Variants in RAG1 observed in about 807,000 individuals in gnomAD.
The protein encoded by RAG1 is recombination activating 1.
A neutral mutation model predicts 62.7 loss-of-function variants in RAG1; 35 were observed. That is an observed-to-expected ratio of 0.56 (90% CI 0.43 to 0.74). The LOEUF is 0.74. Among genes scored for constraint, RAG1 ranks in the 30% least tolerant of loss-of-function variants. The pLI is 0.00. For missense variants in RAG1, 1,169 were observed against 1,278.6 expected (o/e 0.91, Z 1.31); for synonymous variants, 461 against 470.3 (o/e 0.98, Z 0.26).
At chr11:36,511,879 T>C (rs935195664) in intron 1 of RAG1, among the ~76,000 whole-genome samples, 1 of 152,212 alleles carries the variant, frequency 6.6e-6, no homozygotes. Context: ...ATAACCTCCA[T>C]GAACTACAAT....
At chr11:36,520,693 A>G (rs982752589) in intron 2 of RAG1, among the ~76,000 whole-genome samples, 2 of 152,252 alleles carry the variant, frequency 1.3e-5, no homozygotes, top group African/African-American at 4.8e-5. Context: ...AAAGTGAAAC[A>G]TTAGTGTTAT....
intron 2 of RAG1, among the ~76,000 whole-genome samples, chr11:36,526,859 T>C (rs1486144838): frequency 2.0e-5 from 3 of 152,274 alleles, no homozygotes; most frequent in African/African-American, 7.2e-5. Context: ...TTCATATGTC[T>C]GTTGACTGCA....
At chr11:36,517,614 T>C (rs1278284713) in intron 1 of RAG1, among the ~76,000 whole-genome samples, 2 of 152,226 alleles carry the variant, frequency 1.3e-5, no homozygotes, top group Non-Finnish European at 2.9e-5. Context: ...TCCAGACTCC[T>C]GCAATCTTTA....
intron 2 of RAG1, among the ~76,000 whole-genome samples, chr11:36,533,761 C>A (rs149398480): frequency 6.6e-6 from 1 of 151,862 alleles, no homozygotes; most frequent in Non-Finnish European, 1.5e-5. Context: ...GTTTGATTTG[C>A]GATAGTAATC....
downstream of RAG1, among the ~76,000 whole-genome samples, chr11:36,536,224 C>T (rs1446799962): frequency 6.6e-6 from 1 of 152,104 alleles, no homozygotes; most frequent in Non-Finnish European, 1.5e-5. Context: ...AAACTGGAAA[C>T]AATTCAAATG....
chr11:36,530,146 T>A (rs1860231113), intron 2 of RAG1, among the ~76,000 whole-genome samples: 1 of 152,026 alleles, frequency 6.6e-6, no homozygotes, highest in Non-Finnish European at 1.5e-5. Context: ...GCTTTTTAAA[T>A]CTGCAGGGTC....
At chr11:36,543,465 C>T (rs551784035) in intron 3 of RAG1, among the ~76,000 whole-genome samples, 12 of 152,296 alleles carry the variant, frequency 7.9e-5, no homozygotes, top group Admixed American at 5.2e-4. Flanking sequence ...AGGCTCTACC[C>T]GAAAAATCAG....
intron 3 of RAG1, among the ~76,000 whole-genome samples, chr11:36,562,183 G>A (rs1850594500): frequency 6.6e-6 from 1 of 152,146 alleles, no homozygotes; most frequent in Non-Finnish European, 1.5e-5. Context: ...TTGACTGATT[G>A]GGCATGAGGA....
intron 1 of RAG1, among the ~76,000 whole-genome samples, chr11:36,519,081 A>G (rs1860038449): frequency 6.6e-6 from 1 of 152,326 alleles, no homozygotes. Flanking sequence ...TGCCCATTGG[A>G]AGATTTCTAA....
At chr11:36,566,280 G>A (rs114990708), upstream of RAG1, among the ~76,000 whole-genome samples, 1,712 of 152,136 alleles carry the variant, frequency 0.011, 36 homozygotes, top group African/African-American at 0.039. Context: ...TCTGTTCACC[G>A]TAGACTCTCG....
upstream of RAG1, among the ~76,000 whole-genome samples, chr11:36,565,219 G>A (rs756193082): frequency 5.9e-5 from 9 of 152,184 alleles, no homozygotes; most frequent in African/African-American, 1.2e-4. Flanking sequence ...AAAATGCAGC[G>A]TTCACACACT....
Position 36,573,598 on chromosome 11 carries a change from A to C in RAG1, c.294A>C (p.Arg98Ser), listed in dbSNP as rs1457954794. Residue 98 changes from arginine (R) to serine (S), a missense_variant, in exon 2 of 2, where the codon AGA (arginine) becomes AGC (serine). This residue lies in a region of RAG1 where 369 missense variants were observed against 335.3 expected (regional missense o/e 1.10). Coordinates refer to ENST00000299440, the MANE Select transcript of RAG1 (RefSeq NM_000448.3). ...AATTTCACGACAACGAGAAAGCAAG[A>C]GGCAAAGCGATCCATCAAGCCAACC... The part of the protein sequence containing the change: ...SKKFHDNEKA[R>S]GKAIHQANLR... The C allele has an allele frequency of 1.9e-6, 3 of 1,614,062 alleles. No individual in the cohort carries two copies. Among genetic ancestry groups the C allele is most frequent in the Admixed American group, 1.7e-5 (1 of 60,008 alleles).
chr11:36,516,670 A>T (rs1860001677), intron 1 of RAG1, among the ~76,000 whole-genome samples: 1 of 152,234 alleles, frequency 6.6e-6, no homozygotes, highest in Non-Finnish European at 1.5e-5. Flanking sequence ...AATTCACCGA[A>T]GTAAGTACTA....
chr11:36,541,293 A>G (rs1303008205), intron 3 of RAG1, among the ~76,000 whole-genome samples: 2 of 152,226 alleles, frequency 1.3e-5, no homozygotes, highest in Non-Finnish European at 2.9e-5. Flanking sequence ...CGTTACACAC[A>G]CAGGTCACAT....
At chr11:36,558,194 A>G (rs557236005) in intron 3 of RAG1, among the ~76,000 whole-genome samples, 30 of 152,330 alleles carry the variant, frequency 2.0e-4, no homozygotes, top group South Asian at 1.7e-3. Flanking sequence ...GGCATAACAT[A>G]TAATCTATCC....
intron 2 of RAG1, among the ~76,000 whole-genome samples, chr11:36,523,321 G>C (rs533588305): frequency 6.6e-6 from 1 of 152,062 alleles, no homozygotes; most frequent in Non-Finnish European, 1.5e-5. Context: ...AAGTTCTGAC[G>C]GTTTTAAAAA....
At chr11:36,536,455 A>G (rs1456611217), downstream of RAG1, among the ~76,000 whole-genome samples, 2 of 152,164 alleles carry the variant, frequency 1.3e-5, no homozygotes, top group African/African-American at 4.8e-5. Flanking sequence ...AGTCTAAAAT[A>G]AAACCAAGAA....
At position 36,534,505 on chromosome 11, in the gene RAG1, A is replaced by G. The variant is rs7947632; in HGVS notation, n.429-1454A>G. 2.0e-5 allele frequency among the ~76,000 whole-genome samples: 3 copies of G among 152,156 alleles called. No homozygotes were observed. In the East Asian group the frequency reaches 5.8e-4, roughly 29 times the overall value. On this transcript the variant is annotated intron_variant and non_coding_transcript_variant, in intron 2 of 2. Transcript: ENST00000529126. ...AACGTGAGCAGAAGTCACATGTGTC[A>G]CTTTAGGATGTACAATTTGCCATAC...
chr11:36,540,468 G>GCA (rs1860398888), downstream of RAG1, among the ~76,000 whole-genome samples: 3 of 152,130 alleles, frequency 2.0e-5, no homozygotes, highest in African/African-American at 7.2e-5. Context: ...GCAGTGGCAT[G>GCA]ATCTCGGCTC....
Sources: gnomAD v4.1 joint callset for allele counts (sites outside exome capture counted in the v4.1 genomes callset) on GRCh38, gnomAD v4.1.1 for gene constraint, gnomAD v4.1.1 regional missense constraint, MANE v1.5 for transcripts, NCBI Gene and HGNC (gene_info 2026-07-23, HGNC 2026-07-21) for gene names.